FASTKD2: variants seen among roughly 807,000 people sequenced by gnomAD.
FASTKD2 encodes the protein FAST kinase domains 2.
Under a neutral mutation model 63.6 loss-of-function variants are expected in FASTKD2, and 51 were observed. The observed-to-expected ratio is 0.80, with a 90% CI of 0.64 to 1.01. The LOEUF (loss-of-function observed/expected upper bound fraction) is 1.01, where lower values mean the gene tolerates loss of function less well. Ranked by LOEUF, FASTKD2 falls within the 50% of genes least tolerant of loss-of-function variation. The pLI, the probability that FASTKD2 is intolerant of heterozygous loss-of-function variation, is 0.00. For missense variants in FASTKD2, 786 were observed against 831.1 expected, an observed-to-expected ratio of 0.95 and a Z score of 0.67; for synonymous variants, 284 against 293.4, an observed-to-expected ratio of 0.97 and a Z score of 0.33.
chr2:206,785,820 A>C (rs1473550933), intron 7 of FASTKD2, among the ~76,000 whole-genome samples: 1 of 152,016 alleles, frequency 6.6e-6, no homozygotes, highest in East Asian at 1.9e-4. Flanking sequence ...TGGACCTCTC[A>C]GTTGATTTCA....
rs369032983 is a variant in FASTKD2 at position 206,793,970 on chromosome 2, G to A, written c.*2168G>A. The stretch of plus-strand genomic sequence containing the variant: ...TATAATGAGGCAAGCACTTGCATAA[G>A]CTGTTGGTAGACTGTAAATTAATAC... On this transcript the variant is annotated 3_prime_UTR_variant, in exon 12 of 12. Transcript: ENST00000402774. Among the ~76,000 whole-genome samples the A allele has an allele frequency of 1.1e-4, 17 of 152,316 alleles. No individual in the cohort carries two copies. In the East Asian group the frequency reaches 1.2e-3, roughly 10 times the overall value.
At chr2:206,765,924 G>A (rs1489362574) in intron 1 of FASTKD2, among the ~76,000 whole-genome samples, 177 bp downstream of exon 1, 1 of 151,980 alleles carries the variant, frequency 6.6e-6, no homozygotes, top group Non-Finnish European at 1.5e-5. Flanking sequence ...CGTTCTACCT[G>A]CCCAGGTCCC....
chr2:206,781,861 A>G (rs1335923233), intron 7 of FASTKD2, among the ~76,000 whole-genome samples: 4 of 151,716 alleles, frequency 2.6e-5, no homozygotes, highest in Admixed American at 1.3e-4. Flanking sequence ...TGAGCATTCA[A>G]ACTATGCTGG....
chr2:206,776,490 A>G (rs912743744), intron 7 of FASTKD2, among the ~76,000 whole-genome samples: 3 of 151,834 alleles, frequency 2.0e-5, no homozygotes, highest in Admixed American at 2.0e-4. Context: ...TTCTTTTAGG[A>G]ATTTTGTAGT....
chr2:206,794,233 C>G lies in FASTKD2; in HGVS notation c.*2431C>G, dbSNP rs146898986. Among the ~76,000 whole-genome samples the G allele has an allele frequency of 1.7e-3, 262 of 152,132 alleles. No individual in the cohort carries two copies. The highest frequency in any genetic ancestry group is 2.7e-3 in the Non-Finnish European group (185 of 68,022). ...CTCTGTCCCCTAAACAACCACTGAT[C>G]TATGGCACACATAGAAAAAAATTAG... On this transcript the variant is annotated 3_prime_UTR_variant, in exon 12 of 12. Transcript: ENST00000402774.
At chr2:206,780,989 T>A (rs1343081419) in intron 7 of FASTKD2, among the ~76,000 whole-genome samples, 1 of 152,190 alleles carries the variant, frequency 6.6e-6, no homozygotes, top group East Asian at 1.9e-4. Context: ...TTGTTGATAC[T>A]CTTATTTTGC....
intron 10 of FASTKD2, chr2:206,789,588 T>A (rs1403905008): frequency 6.8e-6 from 1 of 147,622 alleles, no homozygotes; most frequent in Admixed American, 6.6e-5. Flanking sequence ...TTAACTCCAC[T>A]GGACACACAC....
At chr2:206,765,915 G>T (rs1463834824) in intron 1 of FASTKD2, among the ~76,000 whole-genome samples, 168 bp downstream of exon 1, 3 of 151,958 alleles carry the variant, frequency 2.0e-5, no homozygotes, top group Non-Finnish European at 4.4e-5. Context: ...CCACTGAGCC[G>T]TTCTACCTGC....
chr2:206,774,193 A>G (rs1454257796), intron 6 of FASTKD2, 32 bp from the exon 7 acceptor site: 3 of 1,495,334 alleles, frequency 2.0e-6, no homozygotes, highest in South Asian at 1.2e-5. Flanking sequence ...TGTAATTATT[A>G]TAGAGTTTTC....
chr2:206,783,719 G>A (rs78395889), intron 7 of FASTKD2, among the ~76,000 whole-genome samples: 2,438 of 152,266 alleles, frequency 0.016, 72 homozygotes, highest in African/African-American at 0.054. Context: ...AAGGCTGGGA[G>A]GACATTTAAT....
chr2:206,786,708 A>G, intron 7 of FASTKD2, 25 bp from the exon 8 acceptor site: 1 of 1,610,142 alleles, frequency 6.2e-7, no homozygotes, highest in Non-Finnish European at 8.5e-7. Context: ...ATATGTTGGG[A>G]AACTGACTTT....
At position 206,792,198 on chromosome 2, in the gene FASTKD2, G is replaced by T; in HGVS notation, c.*396G>T. 4.9e-6 allele frequency: 1 copy of T among 205,246 alleles called. No homozygotes were observed. Among genetic ancestry groups the T allele is most frequent in the Admixed American group, 5.3e-5 (1 of 18,696 alleles). 12.7% of individuals were successfully genotyped at this position (205,246 alleles called of 1,614,324 possible). ...TGCTCTAAGCTGTTCTAAGACTTGGGGTTATGCCTTTAAATCATTTTCAAG... is the reference window on the plus strand; with the variant it reads ...TGCTCTAAGCTGTTCTAAGACTTGGTGTTATGCCTTTAAATCATTTTCAAG... On this transcript the variant is annotated 3_prime_UTR_variant, in exon 12 of 12. Coordinates refer to ENST00000402774, the MANE Select transcript of FASTKD2 (RefSeq NM_001136193.2).
chr2:206,776,531 T>C (rs887103030), intron 7 of FASTKD2, among the ~76,000 whole-genome samples: 2 of 152,086 alleles, frequency 1.3e-5, no homozygotes, highest in Non-Finnish European at 2.9e-5. Context: ...CTTTAATCCA[T>C]TTTGAGTTGA....
At chr2:206,784,843 A>G (rs758270956) in intron 7 of FASTKD2, among the ~76,000 whole-genome samples, 1 of 152,264 alleles carries the variant, frequency 6.6e-6, no homozygotes, top group Non-Finnish European at 1.5e-5. Flanking sequence ...AGAAAGATGA[A>G]TAAGACAGTC....
intron 7 of FASTKD2, among the ~76,000 whole-genome samples, chr2:206,785,560 A>G (rs1388574748): frequency 6.6e-6 from 1 of 152,178 alleles, no homozygotes; most frequent in East Asian, 1.9e-4. Context: ...CATGAGGTAC[A>G]GGGTGAGGAG....
chr2:206,770,182 G>T lies in FASTKD2; in HGVS notation c.869G>T (p.Arg290Leu). ...MEPCKNVHVLRTGFRILVDQQ... is the reference protein window; with the variant it reads ...MEPCKNVHVLLTGFRILVDQQ... ...CCATGCAAGAATGTTCATGTTCTAC[G>T]AACGGGATTCAGGTGAGAACTCTCT... Residue 290 changes from arginine (R) to leucine (L), a missense_variant, in exon 3 of 12, where the codon CGA becomes CTA. Coordinates refer to ENST00000402774, the MANE Select transcript of FASTKD2 (RefSeq NM_001136193.2). 6.2e-7 allele frequency: 1 copy of T among 1,601,122 alleles called. No individual in the cohort carries two copies. The highest frequency in any genetic ancestry group is 1.1e-5 in the South Asian group (1 of 90,820).
chr2:206,781,304 A>ATTTTTTTTT (rs71034473), intron 7 of FASTKD2, among the ~76,000 whole-genome samples: 3 of 75,924 alleles, frequency 4.0e-5, no homozygotes, highest in Admixed American at 1.9e-4. Context: ...TTTTTCTATG[A>ATTTTTTTTT]TTTTTTTTTT....
chr2:206,766,681 T>C lies in FASTKD2; in HGVS notation c.-13T>C. On this transcript the variant is annotated 5_prime_UTR_variant, in exon 2 of 12. Coordinates refer to ENST00000402774, the MANE Select transcript of FASTKD2 (RefSeq NM_001136193.2). The stretch of plus-strand genomic sequence containing the variant: ...ACGTGTTCTTTTTCACTAGTAGAAG[T>C]GACGTTGGTTTCATGTTGACAACTT... The C allele has an allele frequency of 6.2e-7, 1 of 1,612,660 alleles. No homozygotes were observed. The highest frequency in any genetic ancestry group is 1.1e-5 in the South Asian group (1 of 91,052).
chr2:206,788,064 A>T lies in FASTKD2; in HGVS notation c.1722A>T (p.Thr574=). 3 of 1,613,886 alleles carry T rather than the reference A, an allele frequency of 1.9e-6. No individual in the cohort carries two copies. The highest frequency in any genetic ancestry group is 2.5e-6 in the Non-Finnish European group (3 of 1,179,860). Residue 574 remains threonine, a synonymous_variant, in exon 9 of 12, where the codon ACA becomes ACT. Transcript: ENST00000402774. The stretch of plus-strand genomic sequence containing the variant: ...CGCGGGAGCTGCCATCGTCACATAC[A>T]AATGCAAAGGTGGCAGAGGTGCTGA... ...QLPRELPSSH[T]NAKVAEVLSS...
Sources: gnomAD v4.1 joint callset for allele counts (sites outside exome capture counted in the v4.1 genomes callset) on GRCh38, gnomAD v4.1.1 for gene constraint, MANE v1.5 for transcripts, NCBI Gene and HGNC (gene_info 2026-07-23, HGNC 2026-07-21) for gene names.